GFOD1: variants seen among roughly 807,000 people sequenced by gnomAD.
GFOD1 encodes the protein Gfo/Idh/MocA-like oxidoreductase domain containing 1, also known as glucose-fructose oxidoreductase domain-containing protein 1.
A neutral mutation model predicts 25.4 loss-of-function variants in GFOD1; 9 were observed. The observed-to-expected ratio is 0.35, with a 90% CI of 0.21 to 0.62. GFOD1 has a LOEUF of 0.62. Among genes scored for constraint, GFOD1 ranks in the 20% least tolerant of loss-of-function variants. GFOD1 has a pLI of 0.72. For synonymous variants in GFOD1, 253 were observed against 245.6 expected (o/e 1.03, Z -0.28); for missense variants, 403 against 556.9 (o/e 0.72, Z 2.78).
At chr6:13,428,046 C>T (rs1021773393) in intron 1 of GFOD1, among the ~76,000 whole-genome samples, 3 of 152,200 alleles carry the variant, frequency 2.0e-5, no homozygotes, top group African/African-American at 2.4e-5. Flanking sequence ...GACAGTGCCC[C>T]GAGCTACATC....
intron 1 of GFOD1, among the ~76,000 whole-genome samples, chr6:13,368,421 C>G (rs148620455): frequency 1.3e-5 from 2 of 152,246 alleles, no homozygotes; most frequent in South Asian, 4.1e-4. Flanking sequence ...AAGTGCCACA[C>G]ACCTGTGTAA....
At chr6:13,483,314 G>T (rs1035133148) in intron 1 of GFOD1, among the ~76,000 whole-genome samples, 1 of 152,118 alleles carries the variant, frequency 6.6e-6, no homozygotes, top group Non-Finnish European at 1.5e-5. Context: ...TCCTGACAGA[G>T]ACCTGGACAT....
At chr6:13,411,342 A>G (rs939470909) in intron 1 of GFOD1, among the ~76,000 whole-genome samples, 1 of 152,122 alleles carries the variant, frequency 6.6e-6, no homozygotes, top group African/African-American at 2.4e-5. Context: ...GCCAGGCTGG[A>G]GTGCAGTGGC....
At chr6:13,403,238 G>A (rs1017908851) in intron 1 of GFOD1, among the ~76,000 whole-genome samples, 4 of 151,698 alleles carry the variant, frequency 2.6e-5, no homozygotes, top group African/African-American at 4.8e-5. Context: ...TGATTCTCCC[G>A]CCTCAGCCTC....
intron 1 of GFOD1, among the ~76,000 whole-genome samples, chr6:13,480,277 A>G (rs1244237581): frequency 6.6e-6 from 1 of 152,228 alleles, no homozygotes; most frequent in Non-Finnish European, 1.5e-5. Context: ...AACTTCACCA[A>G]GAGAGTCTGC....
At chr6:13,415,342 C>T (rs1786145757) in intron 1 of GFOD1, among the ~76,000 whole-genome samples, 1 of 152,134 alleles carries the variant, frequency 6.6e-6, no homozygotes, top group Non-Finnish European at 1.5e-5. Context: ...GCCCTTCTGC[C>T]CCCTTCCTTT....
At chr6:13,465,758 T>A (rs554729327) in intron 1 of GFOD1, among the ~76,000 whole-genome samples, 8 of 152,278 alleles carry the variant, frequency 5.3e-5, no homozygotes, top group Admixed American at 2.0e-4. Flanking sequence ...GTTAAGGTCA[T>A]AAAGTGAGTT....
rs1784971360 is a variant in GFOD1 at position 13,363,073 on chromosome 6, G to T, written c.*1670C>A. On this transcript the variant is annotated 3_prime_UTR_variant, in exon 2 of 2. Transcript: ENST00000379287. ...ACACTTGACAAATGTCTTACGTGGG[G>T]TGAAGAATTAAACAAAGATAACAAA... is the stretch of plus-strand genomic sequence containing the variant. The T allele has an allele frequency of 6.6e-6, 1 of 152,246 alleles. No individual in the cohort carries two copies. Among genetic ancestry groups the T allele is most frequent in the Non-Finnish European group, 1.5e-5 (1 of 68,054 alleles). The allele number at this position is 152,246 out of a possible 1,614,324, so 9.4% of individuals were successfully genotyped here.
intron 1 of GFOD1, among the ~76,000 whole-genome samples, chr6:13,374,267 TTTTTTTTGTGTGTGTG>T (rs1785208556): frequency 7.5e-6 from 1 of 133,932 alleles, no homozygotes; most frequent in Admixed American, 7.3e-5. Flanking sequence ...AAAATATGTT[TTTTTTTTGTGTGTGTG>T]TGTGTGTGTG....
intron 1 of GFOD1, among the ~76,000 whole-genome samples, chr6:13,422,668 T>C (rs1786280472): frequency 6.6e-6 from 1 of 152,088 alleles, no homozygotes; most frequent in African/African-American, 2.4e-5. Context: ...GAAACCCGTG[T>C]CCCCCTCCAT....
chr6:13,470,213 T>C (rs1758465905), intron 1 of GFOD1: 4 of 1,596,622 alleles, frequency 2.5e-6, no homozygotes, highest in South Asian at 1.1e-5. Context: ...TAATCTTGAC[T>C]GGGTCTGGGG....
chr6:13,404,672 G>C (rs188735362), intron 1 of GFOD1, among the ~76,000 whole-genome samples: 1 of 152,304 alleles, frequency 6.6e-6, no homozygotes, highest in Admixed American at 6.5e-5. Context: ...AAGAACATGT[G>C]AACTACACAG....
At chr6:13,371,300 G>C (rs1785150098) in intron 1 of GFOD1, among the ~76,000 whole-genome samples, 1 of 152,122 alleles carries the variant, frequency 6.6e-6, no homozygotes, top group Non-Finnish European at 1.5e-5. Flanking sequence ...CTAGGTCACT[G>C]TGCACAGCCT....
At chr6:13,384,890 C>G (rs1164516797) in intron 1 of GFOD1, among the ~76,000 whole-genome samples, 1 of 152,180 alleles carries the variant, frequency 6.6e-6, no homozygotes, top group Non-Finnish European at 1.5e-5. Flanking sequence ...CTTCCTTGCC[C>G]ATGAGGTTGG....
intron 1 of GFOD1, among the ~76,000 whole-genome samples, chr6:13,466,659 T>G (rs1758384607): frequency 6.6e-6 from 1 of 152,144 alleles, no homozygotes; most frequent in Non-Finnish European, 1.5e-5. Flanking sequence ...GATGGCACAG[T>G]ACTTCTTCTT....
At chr6:13,411,957 T>C (rs1461153937) in intron 1 of GFOD1, among the ~76,000 whole-genome samples, 1 of 152,218 alleles carries the variant, frequency 6.6e-6, no homozygotes, top group South Asian at 2.1e-4. Context: ...TTACTCAGCG[T>C]CTTTGTGCCT....
chr6:13,413,189 C>T (rs1025273044), intron 1 of GFOD1, among the ~76,000 whole-genome samples: 5 of 152,184 alleles, frequency 3.3e-5, no homozygotes, highest in Non-Finnish European at 7.4e-5. Context: ...TTTGTCACTG[C>T]ATCTGCCCAC....
At chr6:13,436,827 C>G (rs1194169546) in intron 1 of GFOD1, among the ~76,000 whole-genome samples, 3 of 152,158 alleles carry the variant, frequency 2.0e-5, no homozygotes, top group African/African-American at 7.2e-5. Flanking sequence ...CGGATTACTC[C>G]TATAAAAGGC....
At chr6:13,470,971 C>A (rs1295606334) in intron 1 of GFOD1, among the ~76,000 whole-genome samples, 1 of 151,910 alleles carries the variant, frequency 6.6e-6, no homozygotes, top group South Asian at 2.1e-4. Context: ...AAAAAAAAAG[C>A]AATAATAATT....
Sources: allele counts gnomAD v4.1 joint callset (sites outside exome capture counted in the v4.1 genomes callset), GRCh38; gene constraint gnomAD v4.1.1; transcripts MANE v1.5; gene names NCBI Gene and HGNC (gene_info 2026-07-23, HGNC 2026-07-21).